The following DOK4 variants were observed in gnomAD, a reference collection of about 807,000 sequenced individuals.
DOK4 encodes docking protein 4.
Under a neutral mutation model 40.1 loss-of-function variants are expected in DOK4, and 26 were observed. The observed-to-expected ratio is 0.65, with a 90% CI of 0.48 to 0.90. The LOEUF (loss-of-function observed/expected upper bound fraction) is 0.90, where lower values mean the gene tolerates loss of function less well. Ranked by LOEUF, DOK4 falls within the 40% of genes least tolerant of loss-of-function variation. The pLI, the probability that DOK4 is intolerant of heterozygous loss-of-function variation, is 0.00. For missense variants in DOK4, 392 were observed against 437.2 expected (o/e 0.90, Z 0.92); for synonymous variants, 179 against 177.0 (o/e 1.01, Z -0.09).
At position 57,472,919 on chromosome 16, in the gene DOK4, C is replaced by T. The variant is rs577340375; in HGVS notation, c.*458G>A. 3.7e-5 allele frequency: 6 copies of T among 160,592 alleles called. No individual in the cohort carries two copies. The South Asian group carries it at 1.1e-3, about 29-fold the overall frequency. 9.9% of individuals were successfully genotyped at this position (160,592 alleles called of 1,614,324 possible). A position where few individuals can be genotyped will look rare whatever the true frequency, so the allele number is the denominator to read the frequency against. On this transcript the variant is annotated 3_prime_UTR_variant, in exon 9 of 9. Coordinates refer to ENST00000340099, the Ensembl canonical transcript of DOK4. Reference sequence around the variant, plus strand: ...AAAAGCCAGCAGTCAGAGTGCCAGCCTCAAGCTCTGATTATCCCCCTCCTG... The same window carrying T: ...AAAAGCCAGCAGTCAGAGTGCCAGCTTCAAGCTCTGATTATCCCCCTCCTG...
intron 4 of DOK4, 142 bp downstream of exon 4, chr16:57,475,364 G>A: frequency 6.9e-7 from 1 of 1,446,168 alleles, no homozygotes. Flanking sequence ...CTGAGGGCCT[G>A]CTCCCTGAAA....
rs1037703419 is a variant in DOK4 at position 57,478,205 on chromosome 16, C to T, written c.66+1237G>A. The stretch of plus-strand genomic sequence containing the variant: ...CCTTTCAGAGGAAGAGCAAAGTAGC[C>T]GATGGCTGCCAGGGCCCAGTCTCAA... On this transcript the variant is annotated intron_variant, in intron 2 of 8. Transcript: ENST00000340099. Among the ~76,000 whole-genome samples the T allele has an allele frequency of 4.6e-5, 7 of 152,324 alleles. No individual in the cohort carries two copies. In the East Asian group the frequency reaches 7.7e-4, roughly 17 times the overall value.
chr16:57,482,371 T>TG lies in DOK4; in HGVS notation c.-181-2684_-181-2683insC, dbSNP rs199762374. On this transcript the variant is annotated intron_variant, in intron 1 of 8. Transcript: ENST00000340099. ...GTAGAGATGGGGCTTTTGTTTTTTT[T>TG]TTTTTTTTTTTTTGAGACGGAGTCT... 0.013 allele frequency among the ~76,000 whole-genome samples: 1,922 copies of TG among 142,466 alleles called. 111 individuals carry two copies. The East Asian group carries it at 0.17, about 12-fold the overall frequency. 93.5% of individuals were successfully genotyped at this position (142,466 alleles called of 152,430 possible).
rs753655831 is a variant in DOK4, at chr16:57,479,304, G to A, written c.66+138C>T. The A allele has an allele frequency of 3.6e-4, 330 of 926,512 alleles. No individual in the cohort carries two copies. Among genetic ancestry groups the A allele is most frequent in the Non-Finnish European group, 4.4e-4 (269 of 615,350 alleles). 57.4% of individuals were successfully genotyped at this position (926,512 alleles called of 1,614,324 possible). ...ATGCCAGGCAGCACGCTGGCGAGGA[G>A]CCCCGAGACCACAGATGCACGATGC... On this transcript the variant is annotated intron_variant, in intron 2 of 8. Transcript: ENST00000340099. The surrounding 1 kb of genome is among the most constrained non-coding windows in gnomAD (Gnocchi z 5.8).
In DOK4 at chr16:57,473,606, G is replaced by T; in HGVS notation, c.862+7C>A. 6.2e-7 allele frequency: 1 copy of T among 1,614,242 alleles called. No homozygotes were observed. Among genetic ancestry groups the T allele is most frequent in the Non-Finnish European group, 8.5e-7 (1 of 1,180,050 alleles). Reference sequence around the variant, plus strand: ...GCAGGTGGGTGTGGGGCATGGAAGCGACTCACCAGCATAGCTGGAGGCTTC... The same window carrying T: ...GCAGGTGGGTGTGGGGCATGGAAGCTACTCACCAGCATAGCTGGAGGCTTC... On this transcript the variant is annotated splice_region_variant and intron_variant, in intron 8 of 8. Coordinates refer to ENST00000340099, the Ensembl canonical transcript of DOK4.
intron 1 of DOK4, among the ~76,000 whole-genome samples, chr16:57,480,977 A>C (rs2031391080): frequency 6.6e-6 from 1 of 152,166 alleles, no homozygotes; most frequent in African/African-American, 2.4e-5. Flanking sequence ...GCCACCACCT[A>C]AGCCTTCCCT....
chr16:57,480,889 G>A (rs1293629340), intron 1 of DOK4, among the ~76,000 whole-genome samples: 3 of 152,232 alleles, frequency 2.0e-5, no homozygotes, highest in Non-Finnish European at 4.4e-5. Context: ...GGCAGAGCCA[G>A]GGATGAAGGA....
chr16:57,475,766 TCCCTCTCTC>T (rs1331672329), intron 3 of DOK4, 75 bp downstream of exon 3: 4 of 862,322 alleles, frequency 4.6e-6, no homozygotes, highest in African/African-American at 2.0e-5. Context: ...CTCCCCTCTC[TCCCTCTCTC>T]CCCTCTCTCC....
chr16:57,476,212 C>T (rs951658976), intron 2 of DOK4: 1 of 508,584 alleles, frequency 2.0e-6, no homozygotes, highest in Non-Finnish European at 3.6e-6. Flanking sequence ...CTCTCCTGAC[C>T]TGCCATGTAC....
rs549740983 is a variant in DOK4 at position 57,476,109 on chromosome 16, G to A, written c.67-152C>T. ...GGGACACCGGGGGTGGGAGTCACCAGCAGTGTCACCTCCCTGGGAGAGAAG... is the reference window on the plus strand; with the variant it reads ...GGGACACCGGGGGTGGGAGTCACCAACAGTGTCACCTCCCTGGGAGAGAAG... On this transcript the variant is annotated intron_variant, in intron 2 of 8. Transcript: ENST00000340099. The A allele has an allele frequency of 1.3e-3, 818 of 632,454 alleles. 13 individuals are homozygous for A. The South Asian group carries it at 0.015, about 11-fold the overall frequency. 39.2% of individuals were successfully genotyped at this position (632,454 alleles called of 1,614,324 possible). A position where few individuals can be genotyped will look rare whatever the true frequency, so the allele number is the denominator to read the frequency against.
chr16:57,481,369 G>A (rs999897687), intron 1 of DOK4: 2 of 152,384 alleles, frequency 1.3e-5, no homozygotes, highest in African/African-American at 4.8e-5. Flanking sequence ...TGGGGTCCAA[G>A]AACCTCCCAC....
chr16:57,473,011 C>T (rs999792371), exon 9 of DOK4: 6 of 223,532 alleles, frequency 2.7e-5, no homozygotes, highest in African/African-American at 1.4e-4. Context: ...GACACGACTG[C>T]ACTCATACTC....
chr16:57,477,368 G>A (rs572886091), intron 2 of DOK4, among the ~76,000 whole-genome samples: 2 of 152,376 alleles, frequency 1.3e-5, no homozygotes, highest in South Asian at 4.1e-4. Flanking sequence ...CTCAGCTGCA[G>A]CGCTCCCTTA....
intron 2 of DOK4, among the ~76,000 whole-genome samples, chr16:57,477,846 G>C (rs543960241): frequency 1.1e-4 from 16 of 152,292 alleles, no homozygotes; most frequent in Admixed American, 2.6e-4. Flanking sequence ...GGGAAGTGAG[G>C]CTCCTGGCTT....
At chr16:57,474,541 C>T (rs1336918595) in intron 6 of DOK4, among the ~76,000 whole-genome samples, 3 of 152,236 alleles carry the variant, frequency 2.0e-5, no homozygotes, top group Admixed American at 1.3e-4. Flanking sequence ...GTGCCTGAAC[C>T]TGCATTTGAC....
At position 57,475,508 on chromosome 16, in the gene DOK4, G is replaced by A. The variant is rs754107816; in HGVS notation, c.287C>T (p.Ser96Leu). Residue 96 changes from serine (S) to leucine (L), a missense_variant and splice_region_variant, in exon 4 of 9, where the codon TCA becomes TTA. By Grantham distance (145) the Ser-to-Leu change is moderately radical. Coordinates refer to ENST00000340099, the Ensembl canonical transcript of DOK4. ...GGAGGCCCATACTCGCGCCTCACCT[G>A]AGTCGCAGGTGAAGGTACGTGCCGA... The A allele has an allele frequency of 6.2e-6, 10 of 1,604,040 alleles. No individual in the cohort carries two copies. In the South Asian group the frequency reaches 1.0e-4, roughly 16 times the overall value.
chr16:57,479,828 T>G lies in DOK4; in HGVS notation c.-181-140A>C. The G allele has an allele frequency of 1.1e-5, 3 of 267,672 alleles. No homozygotes were observed. Among genetic ancestry groups the G allele is most frequent in the East Asian group, 1.1e-4 (1 of 9,454 alleles). 16.6% of individuals were successfully genotyped at this position (267,672 alleles called of 1,614,324 possible). ...CCCTCCTTCCTCCCGCCCTTCTTCC[T>G]TCCCTTCCCTCCCCACCCCAGGACG... is the stretch of plus-strand genomic sequence containing the variant. On this transcript the variant is annotated intron_variant, in intron 1 of 8. Transcript: ENST00000340099. This position sits in a 1 kb window ranked among gnomAD's most constrained non-coding sequence, Gnocchi z 5.8.
exon 6 of DOK4, chr16:57,474,880 T>C (rs760877983): frequency 2.5e-6 from 4 of 1,613,516 alleles, no homozygotes; most frequent in Middle Eastern, 1.7e-4. Context: ...CACACGGGGG[T>C]TGTGGATGTC....
intron 3 of DOK4, 101 bp downstream of exon 3, chr16:57,475,749 C>T (rs372268823): frequency 5.0e-6 from 4 of 792,536 alleles, no homozygotes; most frequent in Admixed American, 2.5e-5. Flanking sequence ...TCCCTCTCTC[C>T]CCCTTTCTCC....
Sources: gnomAD v4.1 joint callset for allele counts (sites outside exome capture counted in the v4.1 genomes callset) on GRCh38, gnomAD v4.1.1 for gene constraint, Gnocchi (gnomAD v3.1) non-coding constraint, MANE v1.5 for transcripts, NCBI Gene and HGNC (gene_info 2026-07-23, HGNC 2026-07-21) for gene names.